Variants in WWOX observed in about 807,000 individuals in gnomAD.
WWOX encodes WW domain-containing oxidoreductase.
A neutral mutation model predicts 46.2 loss-of-function variants in WWOX; 69 were observed. The ratio of observed to expected loss-of-function variants is 1.49; its 90% CI spans 1.23 to 1.82. WWOX has a LOEUF of 1.82. Among genes scored for constraint, WWOX ranks in the 40% most tolerant of loss-of-function variants. The pLI is 0.00. For missense variants in WWOX, 919 were observed against 542.6 expected (o/e 1.69, Z -6.89); for synonymous variants, 359 against 202.6 (o/e 1.77, Z -6.56).
intron 5 of WWOX, among the ~76,000 whole-genome samples, chr16:78,279,806 C>A (rs946357948): frequency 6.6e-6 from 1 of 152,192 alleles, no homozygotes; most frequent in African/African-American, 2.4e-5. Flanking sequence ...TTCTGCTAAC[C>A]CTCCTGCCCA....
intron 8 of WWOX, among the ~76,000 whole-genome samples, chr16:78,908,356 G>C (rs1033581992): frequency 6.6e-6 from 1 of 152,018 alleles, no homozygotes. Context: ...CCTGGCCAAG[G>C]TGGTGAAACC....
At chr16:78,321,359 CGTATATATATACGTATATATGCGT>C (rs1567499310) in intron 5 of WWOX, among the ~76,000 whole-genome samples, 1 of 38,042 alleles carries the variant, frequency 2.6e-5, no homozygotes, top group African/African-American at 1.7e-4. Context: ...CGTATATATG[CGTATATATATACGTATATATGCGT>C]ATATATATAC....
At chr16:78,579,969 G>C (rs1218318445) in intron 8 of WWOX, among the ~76,000 whole-genome samples, 1 of 152,156 alleles carries the variant, frequency 6.6e-6, no homozygotes, top group Non-Finnish European at 1.5e-5. Context: ...AGTCTTCTGA[G>C]TCATGCCAGC....
rs201616794 is a variant in WWOX at position 79,169,528 on chromosome 16, C to T, written c.1057-42080C>T. Reference sequence around the variant, plus strand: ...TCCTTTCAGCCACCTCCTGGCTGTCCTTTTAAAGCCAGGGTAAAGTCCCCA... The same window carrying T: ...TCCTTTCAGCCACCTCCTGGCTGTCTTTTTAAAGCCAGGGTAAAGTCCCCA... On this transcript the variant is annotated intron_variant, in intron 8 of 8. Transcript: ENST00000566780. Among the ~76,000 whole-genome samples the T allele has an allele frequency of 3.2e-4, 49 of 152,270 alleles. No homozygotes were observed. The East Asian group carries it at 8.3e-3, about 26-fold the overall frequency.
intron 5 of WWOX, among the ~76,000 whole-genome samples, chr16:78,380,987 A>G (rs972177047): frequency 5.3e-5 from 8 of 152,194 alleles, no homozygotes; most frequent in African/African-American, 1.4e-4. Context: ...ATAGAAGGCA[A>G]TACTATTATG....
chr16:78,616,026 A>C (rs2046015654), intron 8 of WWOX, among the ~76,000 whole-genome samples: 1 of 152,144 alleles, frequency 6.6e-6, no homozygotes, highest in Non-Finnish European at 1.5e-5. Context: ...CTGGGATTAC[A>C]GGCGTGAACT....
chr16:78,979,618 A>G (rs940051532), intron 8 of WWOX, among the ~76,000 whole-genome samples: 4 of 152,118 alleles, frequency 2.6e-5, no homozygotes, highest in African/African-American at 9.7e-5. Context: ...GTTTCTACCG[A>G]TGCTCTTGAA....
At chr16:78,561,625 G>A (rs1052995887) in intron 8 of WWOX, among the ~76,000 whole-genome samples, 1 of 152,014 alleles carries the variant, frequency 6.6e-6, no homozygotes, top group Non-Finnish European at 1.5e-5. Context: ...CCTGATATTT[G>A]GAGAGACTTT....
chr16:79,139,431 C>T (rs745501486), intron 8 of WWOX, among the ~76,000 whole-genome samples: 6 of 152,206 alleles, frequency 3.9e-5, no homozygotes, highest in Non-Finnish European at 8.8e-5. Flanking sequence ...GTTAATTTGA[C>T]ATCTAGTGCC....
intron 8 of WWOX, among the ~76,000 whole-genome samples, chr16:78,745,149 C>CCT (rs2049319047): frequency 6.6e-6 from 1 of 152,176 alleles, no homozygotes; most frequent in South Asian, 2.1e-4. Context: ...TATGAACATG[C>CCT]CTCTGTCTGT....
Position 78,629,462 on chromosome 16 carries a change from C to G in WWOX, c.1056+196710C>G, listed in dbSNP as rs116600123. Among the ~76,000 whole-genome samples, 471 of 152,336 alleles carry G rather than the reference C, an allele frequency of 3.1e-3. 2 individuals are homozygous for G. Among genetic ancestry groups the G allele is most frequent in the African/African-American group, 0.011 (442 of 41,588 alleles). On this transcript the variant is annotated intron_variant, in intron 8 of 8. Coordinates refer to ENST00000566780, the MANE Select transcript of WWOX (RefSeq NM_016373.4). ...TCAGGCAGAAGCTGGAGTCATTTCTCTAAAATAGAAATCTGATCTTGCCAC... is the reference window on the plus strand; with the variant it reads ...TCAGGCAGAAGCTGGAGTCATTTCTGTAAAATAGAAATCTGATCTTGCCAC...
intron 6 of WWOX, among the ~76,000 whole-genome samples, chr16:78,407,450 GTGTT>G (rs1346975057): frequency 9.8e-5 from 15 of 152,306 alleles, no homozygotes; most frequent in Non-Finnish European, 2.2e-4. Context: ...ATTCAGAAGA[GTGTT>G]TATTTAATCT....
intron 8 of WWOX, among the ~76,000 whole-genome samples, chr16:79,167,028 C>T (rs1220878440): frequency 2.6e-5 from 4 of 152,112 alleles, no homozygotes; most frequent in Admixed American, 6.6e-5. Flanking sequence ...GCAACCTCCA[C>T]CTCCCAGGTT....
At chr16:78,375,594 C>T (rs933631007) in intron 5 of WWOX, among the ~76,000 whole-genome samples, 2 of 152,164 alleles carry the variant, frequency 1.3e-5, no homozygotes, top group African/African-American at 4.8e-5. Context: ...CTTTCATAGT[C>T]TCCGTAGGCT....
At chr16:78,434,477 C>T (rs1567571734) in intron 8 of WWOX, among the ~76,000 whole-genome samples, 2 of 152,188 alleles carry the variant, frequency 1.3e-5, no homozygotes, top group African/African-American at 2.4e-5. Flanking sequence ...TGGATCTGAA[C>T]TGGGTGCCAG....
At chr16:78,189,751 T>A (rs984140497) in intron 5 of WWOX, among the ~76,000 whole-genome samples, 19 of 152,120 alleles carry the variant, frequency 1.2e-4, no homozygotes, top group African/African-American at 1.9e-4. Context: ...GCCTCCCAAG[T>A]TCAAGCGATT....
Position 78,828,929 on chromosome 16 carries a change from C to G in WWOX, c.1057-382679C>G, listed in dbSNP as rs1300354944. Among the ~76,000 whole-genome samples, 7 of 152,248 alleles carry G rather than the reference C, an allele frequency of 4.6e-5. No individual in the cohort carries two copies. The East Asian group carries it at 1.2e-3, about 25-fold the overall frequency. ...TTCCCCCTTTTAGAGATAAGGTAAT[C>G]AAAACTTATAGAGGTTAAAGGGACT... On this transcript the variant is annotated intron_variant, in intron 8 of 8. Transcript: ENST00000566780.
At chr16:78,133,159 G>T (rs2151698818) in intron 4 of WWOX, among the ~76,000 whole-genome samples, 1 of 152,322 alleles carries the variant, frequency 6.6e-6, no homozygotes, top group East Asian at 1.9e-4. Context: ...TGTTTGGATT[G>T]AAGAATTTAA....
chr16:79,006,156 G>C (rs1161242963), intron 8 of WWOX, among the ~76,000 whole-genome samples: 2 of 152,200 alleles, frequency 1.3e-5, no homozygotes, highest in African/African-American at 4.8e-5. Context: ...CGCTGAGATT[G>C]AACTACAGAA....
Sources: allele counts gnomAD v4.1 joint callset (sites outside exome capture counted in the v4.1 genomes callset), GRCh38; gene constraint gnomAD v4.1.1; transcripts MANE v1.5; gene names NCBI Gene and HGNC (gene_info 2026-07-23, HGNC 2026-07-21).